Variants in PTPRQ observed in about 807,000 individuals in gnomAD.
PTPRQ encodes the protein protein tyrosine phosphatase receptor type Q.
PTPRQ carries 199 observed loss-of-function variants against 246.0 expected under a neutral mutation model. The observed-to-expected ratio is 0.81, with a 90% CI of 0.72 to 0.91. The LOEUF (loss-of-function observed/expected upper bound fraction) is 0.91, where lower values mean the gene tolerates loss of function less well. PTPRQ is among the 40% of genes least tolerant of loss of function. The probability of loss-of-function intolerance (pLI) is 0.00; values close to 1 mark genes in which losing one functional copy is unlikely to be tolerated. For synonymous variants in PTPRQ, 869 were observed against 853.2 expected (o/e 1.02, Z -0.32); for missense variants, 2,624 against 2,528.4 (o/e 1.04, Z -0.81).
chr12:80,546,889 C>T lies in PTPRQ; in HGVS notation c.4015+192C>T, dbSNP rs985439771. ...GTATGTGTGTTTATACATATATTTT[C>T]ACACATGGTTTTTCCTTTTGAACAG... On this transcript the variant is annotated intron_variant, in intron 24 of 44. Transcript: ENST00000644991. The T allele has an allele frequency of 1.5e-4, 82 of 560,362 alleles. No homozygotes were observed. The African/African-American group carries it at 1.5e-3, about 10-fold the overall frequency. The allele number at this position is 560,362 out of a possible 1,614,324, so 34.7% of individuals were successfully genotyped here. A position where few individuals can be genotyped will look rare whatever the true frequency, so the allele number is the denominator to read the frequency against.
intron 16 of PTPRQ, among the ~76,000 whole-genome samples, chr12:80,509,669 A>T (rs1175828916): frequency 6.6e-6 from 1 of 152,162 alleles, no homozygotes; most frequent in Non-Finnish European, 1.5e-5. Context: ...TTCAATGCCA[A>T]ATAGCAAATG....
In PTPRQ at chr12:80,605,190, GT is replaced by G. The variant is rs1592708716; in HGVS notation, c.4731+11del. ...GATTGATGTCAAATCGGTAAGGCAT[GT>G]CTTACCTTCTGTAAAAGCCAGTATA... On this transcript the variant is annotated intron_variant, in intron 27 of 44. Coordinates refer to ENST00000644991, the MANE Select transcript of PTPRQ (RefSeq NM_001145026.2). 3.2e-6 allele frequency: 5 copies of G among 1,538,864 alleles called. No individual in the cohort carries two copies. The highest frequency in any genetic ancestry group is 2.0e-5 in the Admixed American group (1 of 49,724).
chr12:80,595,108 G>A (rs1897926127), intron 26 of PTPRQ, among the ~76,000 whole-genome samples: 1 of 152,050 alleles, frequency 6.6e-6, no homozygotes, highest in African/African-American at 2.4e-5. Context: ...CTCTTCTGGT[G>A]ACCAGCTTTG....
At chr12:80,625,249 G>A (rs552098098) in intron 33 of PTPRQ, among the ~76,000 whole-genome samples, 3 of 152,250 alleles carry the variant, frequency 2.0e-5, no homozygotes, top group South Asian at 4.1e-4. Context: ...TATGTCATGT[G>A]TTGGGATATA....
In PTPRQ at chr12:80,619,417, T is replaced by A. The variant is rs1898889315; in HGVS notation, c.5264T>A (p.Ile1755Asn). ...CGACCAAAAACCAAACCAACCCCTA[T>A]TTATGATGCCACAGGAAAACTGCTT... ...PARPKTKPTP[I>N]YDATGKLLVT... The change falls in exon 31 of 45, where the codon ATT becomes AAT. Residue 1755 changes from isoleucine to asparagine, a missense_variant. Physicochemically the swap from Ile to Asn is moderately radical, Grantham distance 149. Coordinates refer to ENST00000644991, the MANE Select transcript of PTPRQ (RefSeq NM_001145026.2). 1 of 1,547,896 alleles carries A rather than the reference T, an allele frequency of 6.5e-7. No individual in the cohort carries two copies. The highest frequency in any genetic ancestry group is 1.4e-5 in the African/African-American group (1 of 72,750).
At chr12:80,527,516 A>C (rs1592617285) in intron 17 of PTPRQ, among the ~76,000 whole-genome samples, 1 of 152,256 alleles carries the variant, frequency 6.6e-6, no homozygotes, top group Non-Finnish European at 1.5e-5. Context: ...ATTATCATTA[A>C]TAATCATATA....
At position 80,450,254 on chromosome 12, in the gene PTPRQ, C is replaced by T. The variant is rs1024056317; in HGVS notation, c.390+4537C>T. On this transcript the variant is annotated intron_variant, in intron 3 of 44. Coordinates refer to ENST00000644991, the MANE Select transcript of PTPRQ (RefSeq NM_001145026.2). ...TATCCTGAGACTTTGCTGAAGTTGC[C>T]TATCAGCTTAAGGAGATTTTGGGCT... is the stretch of plus-strand genomic sequence containing the variant. 3.9e-5 allele frequency among the ~76,000 whole-genome samples: 6 copies of T among 152,024 alleles called. No homozygotes were observed. The East Asian group carries it at 5.8e-4, about 15-fold the overall frequency.
intron 26 of PTPRQ, among the ~76,000 whole-genome samples, chr12:80,588,867 CA>C (rs1897703513): frequency 6.6e-6 from 1 of 152,216 alleles, no homozygotes; most frequent in Admixed American, 6.5e-5. Flanking sequence ...TACACACACA[CA>C]CGTGTGACCA....
At position 80,484,421 on chromosome 12, in the gene PTPRQ, TTTC is replaced by T. The variant is rs1894203807; in HGVS notation, c.1187-9_1187-7del. 7.9e-6 allele frequency: 12 copies of T among 1,521,824 alleles called. No individual in the cohort carries two copies. Among genetic ancestry groups the T allele is most frequent in the Non-Finnish European group, 1.1e-5 (12 of 1,138,022 alleles). The allele number at this position is 1,521,824 out of a possible 1,614,324, so 94.3% of individuals were successfully genotyped here. On this transcript the variant is annotated splice_polypyrimidine_tract_variant and intron_variant, in intron 8 of 44. Transcript: ENST00000644991. ...TTCCCCCTTTTCTTTTCTTTCTTTC[TTTC>T]TTTCTTAGTTCCAGGGGCAGTGTTT...
chr12:80,505,634 G>A (rs965054470), intron 14 of PTPRQ, among the ~76,000 whole-genome samples: 4 of 151,754 alleles, frequency 2.6e-5, no homozygotes, highest in Non-Finnish European at 4.4e-5. Context: ...CCTTGCTGTC[G>A]ACCAAAACTA....
In PTPRQ at chr12:80,607,694, C is replaced by T. The variant is rs544851223; in HGVS notation, c.4731+2514C>T. ...ATTGCACTTGGGACTTATTGTGCAG[C>T]CTGTCTTCTACAAAATACTAGCCAC... is the stretch of plus-strand genomic sequence containing the variant. On this transcript the variant is annotated intron_variant, in intron 27 of 44. Coordinates refer to ENST00000644991, the MANE Select transcript of PTPRQ (RefSeq NM_001145026.2). Among the ~76,000 whole-genome samples, 174 of 150,960 alleles carry T rather than the reference C, an allele frequency of 1.2e-3. 1 individual carries two copies. Among genetic ancestry groups the T allele is most frequent in the Non-Finnish European group, 1.8e-3 (122 of 67,170 alleles).
intron 25 of PTPRQ, among the ~76,000 whole-genome samples, chr12:80,554,043 G>A (rs1053168602): frequency 1.3e-5 from 2 of 151,112 alleles, no homozygotes; most frequent in African/African-American, 2.4e-5. Flanking sequence ...AGTGTAGAAT[G>A]ATGGTTTCCA....
intron 14 of PTPRQ, among the ~76,000 whole-genome samples, chr12:80,505,629 CTG>C (rs544577785): frequency 7.3e-4 from 111 of 151,980 alleles, no homozygotes; most frequent in African/African-American, 2.1e-3. Flanking sequence ...ACAGACCTTG[CTG>C]TCGACCAAAA....
Position 80,546,683 on chromosome 12 carries a change from C to T in PTPRQ, c.4001C>T (p.Thr1334Ile), listed in dbSNP as rs1190159467. 13 of 1,551,070 alleles carry T rather than the reference C, an allele frequency of 8.4e-6. No individual in the cohort carries two copies. The highest frequency in any genetic ancestry group is 2.0e-5 in the Admixed American group (1 of 50,934). The change falls in exon 24 of 45, where the codon ACA becomes ATA. Residue 1334 changes from threonine (T) to isoleucine (I), a missense_variant. Coordinates refer to ENST00000644991, the MANE Select transcript of PTPRQ (RefSeq NM_001145026.2). Reference sequence around the variant, plus strand: ...CAATTTAGTAATGTAGTAAAATTCACAACCCAAGAATCAGGTTAGATACAG... The same window carrying T: ...CAATTTAGTAATGTAGTAAAATTCATAACCCAAGAATCAGGTTAGATACAG... ...GNQFSNVVKF[T>I]TQESVPDVVQ... is the part of the protein sequence containing the mutation.
At chr12:80,549,078 A>G (rs1363170342) in intron 24 of PTPRQ, among the ~76,000 whole-genome samples, 1 of 152,130 alleles carries the variant, frequency 6.6e-6, no homozygotes, top group Non-Finnish European at 1.5e-5. Context: ...ACCTGCATCT[A>G]TGTTTTGCAT....
chr12:80,586,005 ATAG>A (rs1897604878), intron 25 of PTPRQ, among the ~76,000 whole-genome samples: 1 of 150,754 alleles, frequency 6.6e-6, no homozygotes, highest in Admixed American at 6.6e-5. Flanking sequence ...TGTTCTTGCG[ATAG>A]TTTACTGAGA....
intron 25 of PTPRQ, among the ~76,000 whole-genome samples, chr12:80,565,262 A>T (rs544462794): frequency 6.6e-6 from 1 of 152,332 alleles, no homozygotes; most frequent in Non-Finnish European, 1.5e-5. Context: ...GTTACTCTGC[A>T]TAATTCTCCT....
At chr12:80,638,267 T>TA (rs148232481) in intron 35 of PTPRQ, among the ~76,000 whole-genome samples, 21,838 of 138,590 alleles carry the variant, frequency 0.16, 2,821 homozygotes, top group African/African-American at 0.36. Context: ...GAAACTCCGT[T>TA]AAAAAAAAAA....
At chr12:80,633,036 C>G (rs1032831304) in intron 34 of PTPRQ, among the ~76,000 whole-genome samples, 11 of 152,138 alleles carry the variant, frequency 7.2e-5, no homozygotes, top group African/African-American at 2.7e-4. Context: ...CTCTCAGGGT[C>G]ACTCTAGTGC....
Sources: allele counts gnomAD v4.1 joint callset (sites outside exome capture counted in the v4.1 genomes callset), GRCh38; gene constraint gnomAD v4.1.1; transcripts MANE v1.5; gene names NCBI Gene and HGNC (gene_info 2026-07-23, HGNC 2026-07-21).